Variants in F13B observed in about 807,000 individuals in gnomAD.
F13B encodes the protein coagulation factor XIII B chain.
F13B carries 58 observed loss-of-function variants against 79.8 expected under a neutral mutation model. The observed-to-expected ratio is 0.73, with a 90% confidence interval of 0.59 to 0.90. The LOEUF (loss-of-function observed/expected upper bound fraction) is 0.90. F13B is among the 40% of genes least tolerant of loss of function. F13B has a pLI of 0.00. For synonymous variants in F13B, 283 were observed against 260.3 expected, an observed-to-expected ratio of 1.09 and a Z score of -0.84; for missense variants, 773 against 777.0, an observed-to-expected ratio of 0.99 and a Z score of 0.06.
intron 10 of F13B, among the ~76,000 whole-genome samples, chr1:197,046,365 C>T (rs534042229): frequency 6.6e-6 from 1 of 152,040 alleles, no homozygotes. Context: ...TCCTATACAT[C>T]AATAATAGAC....
intron 11 of F13B, chr1:197,040,218 A>G (rs1476117178): frequency 3.2e-6 from 1 of 316,668 alleles, no homozygotes; most frequent in Non-Finnish European, 5.9e-6. Context: ...TTATCACAGA[A>G]CATATAGGTT....
chr1:197,040,819 T>G, intron 10 of F13B, 84 bp from the exon 11 acceptor site: 5 of 1,118,314 alleles, frequency 4.5e-6, no homozygotes, highest in Non-Finnish European at 6.5e-6. Flanking sequence ...ATCGTTGTGT[T>G]GCCTACTCAT....
intron 5 of F13B, among the ~76,000 whole-genome samples, chr1:197,057,986 T>C (rs1655710875): frequency 6.6e-6 from 1 of 152,162 alleles, no homozygotes. Flanking sequence ...CCAGCTAACA[T>C]CTTGATTGCA....
Position 197,060,595 on chromosome 1 carries a change from A to G in F13B, c.629-53T>C, listed in dbSNP as rs1571568270. On this transcript the variant is annotated intron_variant, in intron 4 of 11. Transcript: ENST00000367412. Reference sequence around the variant, plus strand: ...CAAACAAATGTTTATTTTTTCTGCTACAACAAAATGCACTATTTACATGAC... The same window carrying G: ...CAAACAAATGTTTATTTTTTCTGCTGCAACAAAATGCACTATTTACATGAC... 6 of 1,295,068 alleles carry G rather than the reference A, an allele frequency of 4.6e-6. No individual in the cohort carries two copies. The East Asian group carries it at 7.1e-5, about 15-fold the overall frequency. 80.2% of individuals were successfully genotyped at this position (1,295,068 alleles called of 1,614,324 possible).
chr1:197,042,922 T>A (rs1426177832), intron 10 of F13B, among the ~76,000 whole-genome samples: 1 of 151,282 alleles, frequency 6.6e-6, no homozygotes, highest in Non-Finnish European at 1.5e-5. Context: ...AGCTTAGGCA[T>A]ACAGCCAGCA....
chr1:197,050,393 G>C (rs1655400622), intron 10 of F13B, among the ~76,000 whole-genome samples: 1 of 151,858 alleles, frequency 6.6e-6, no homozygotes, highest in Admixed American at 6.6e-5. Flanking sequence ...TTCTATTATA[G>C]TACCAATCAC....
chr1:197,062,690 T>C (rs1655905600), intron 2 of F13B, among the ~76,000 whole-genome samples, 167 bp downstream of exon 2: 2 of 152,314 alleles, frequency 1.3e-5, no homozygotes, highest in South Asian at 4.1e-4. Context: ...AAGCATTATT[T>C]ACTGGATTTC....
At chr1:197,044,478 C>A (rs925994296) in intron 10 of F13B, among the ~76,000 whole-genome samples, 6 of 152,058 alleles carry the variant, frequency 3.9e-5, no homozygotes, top group African/African-American at 7.2e-5. Context: ...TATATATGCA[C>A]CCAATTCAGG....
intron 10 of F13B, among the ~76,000 whole-genome samples, chr1:197,043,678 T>C (rs1329344441): frequency 6.6e-6 from 1 of 151,920 alleles, no homozygotes; most frequent in African/African-American, 2.4e-5. Flanking sequence ...AAAGAGAGGA[T>C]TGTTAAACTA....
Position 197,039,392 on chromosome 1 carries a change from G to A in F13B, c.1972C>T (p.Pro658Ser). ...PRQSTLSYQE[P>S]LRT is the part of the protein sequence containing the mutation. ...GCCATTCATTTCTATGTTCTTAAGG[G>A]TTCTTGATAAGACAGAGTGCTTGAG... Residue 658 changes from proline to serine, a missense_variant, in exon 12 of 12, where the codon CCC becomes TCC. Coordinates refer to ENST00000367412, the MANE Select transcript of F13B (RefSeq NM_001994.3). 6.2e-7 allele frequency: 1 copy of A among 1,610,668 alleles called. No individual in the cohort carries two copies. The highest frequency in any genetic ancestry group is 1.3e-5 in the African/African-American group (1 of 74,910).
chr1:197,050,506 A>G (rs1655404213), intron 10 of F13B, among the ~76,000 whole-genome samples, 191 bp downstream of exon 10: 1 of 152,180 alleles, frequency 6.6e-6, no homozygotes, highest in African/African-American at 2.4e-5. Context: ...AATATGTATT[A>G]CAACAAACTG....
intron 5 of F13B, among the ~76,000 whole-genome samples, 166 bp from the exon 6 acceptor site, chr1:197,057,631 C>T (rs1655696840): frequency 6.6e-6 from 1 of 152,096 alleles, no homozygotes; most frequent in Non-Finnish European, 1.5e-5. Context: ...TGTGTGATAC[C>T]CCTTTCCATG....
intron 10 of F13B, among the ~76,000 whole-genome samples, chr1:197,047,445 C>T (rs1044525224): frequency 6.6e-6 from 1 of 151,948 alleles, no homozygotes; most frequent in Non-Finnish European, 1.5e-5. Flanking sequence ...AATGAGAGAC[C>T]ATCTCACTCC....
chr1:197,061,502 T>A lies in F13B; in HGVS notation c.451+282A>T, dbSNP rs17549589. ...TTAAATTCTTCTGTAATAAAGGAAATAGTGACATATAAAGAAAAAGCTTCT... is the reference window on the plus strand; with the variant it reads ...TTAAATTCTTCTGTAATAAAGGAAAAAGTGACATATAAAGAAAAAGCTTCT... On this transcript the variant is annotated intron_variant, in intron 3 of 11. Transcript: ENST00000367412. Among the ~76,000 whole-genome samples the A allele has an allele frequency of 7.4e-3, 1,124 of 152,196 alleles. 13 individuals are homozygous for A. The highest frequency in any genetic ancestry group is 0.026 in the African/African-American group (1,073 of 41,554).
Position 197,057,434 on chromosome 1 carries a change from C to T in F13B, c.837G>A (p.Leu279=), listed in dbSNP as rs553442412. The T allele has an allele frequency of 6.2e-7, 1 of 1,613,750 alleles. No homozygotes were observed. The highest frequency in any genetic ancestry group is 2.2e-5 in the East Asian group (1 of 44,852). Reference sequence around the variant, plus strand: ...GTGTTTGAATTTTGGAGTTTATGGGCAGAGGTGGAGGAGGACATCTGTTTC... The same window carrying T: ...GTGTTTGAATTTTGGAGTTTATGGGTAGAGGTGGAGGAGGACATCTGTTTC... ...GRRNRCPPPP[L]PINSKIQTHS... Residue 279 remains leucine (L), a synonymous_variant, in exon 6 of 12, where the codon CTG becomes CTA. Coordinates refer to ENST00000367412, the MANE Select transcript of F13B (RefSeq NM_001994.3).
At position 197,040,536 on chromosome 1, in the gene F13B, A is replaced by G; in HGVS notation, c.1938T>C (p.Cys646=). 6.2e-7 allele frequency: 1 copy of G among 1,611,496 alleles called. No homozygotes were observed. Among genetic ancestry groups the G allele is most frequent in the Non-Finnish European group, 8.5e-7 (1 of 1,178,626 alleles). Residue 646 remains cysteine (C), a synonymous_variant, in exon 11 of 12, where the codon TGT becomes TGC. Transcript: ENST00000367412. ...AAACTTCTTACCTTTGTCTTGGAAT[A>G]CATCTTGGATATTTTAACTGCCCTC... The part of the protein sequence containing the change: ...CDRGQLKYPR[C]IPRQSTLSYQ...
In F13B at chr1:197,061,873, C is replaced by A; in HGVS notation, c.362G>T (p.Gly121Val). 6.2e-7 allele frequency: 1 copy of A among 1,613,206 alleles called. No homozygotes were observed. Among genetic ancestry groups the A allele is most frequent in the Middle Eastern group, 1.7e-4 (1 of 6,058 alleles). Residue 121 changes from glycine (G) to valine (V), a missense_variant, in exon 3 of 12, where the codon GGG becomes GTG. Transcript: ENST00000367412. ...QENMRYGCAS[G>V]YKTTGGKDEE... ...ATCCTTCCCTCCAGTGGTTTTGTACCCTGAAGCGCAACCATAACGCATGTT... is the reference window on the plus strand; with the variant it reads ...ATCCTTCCCTCCAGTGGTTTTGTACACTGAAGCGCAACCATAACGCATGTT...
Position 197,067,202 on chromosome 1 carries a change from A to C in F13B, c.22T>G (p.Phe8Val). Residue 8 changes from phenylalanine (F) to valine (V), a missense_variant, in exon 1 of 12, where the codon TTT becomes GTT. By Grantham distance (50) the Phe-to-Val change is conservative (BLOSUM62 -1). Transcript: ENST00000367412. ...CCTGAGATTATCAATATGATGATAA[A>C]AGTCAGGTTTTTCAACCTCATCTTC... MRLKNLT[F>V]IIILIISGEL... 6.2e-7 allele frequency: 1 copy of C among 1,609,742 alleles called. No homozygotes were observed. The highest frequency in any genetic ancestry group is 8.5e-7 in the Non-Finnish European group (1 of 1,176,620).
chr1:197,048,264 G>T (rs1256441831), intron 10 of F13B, among the ~76,000 whole-genome samples: 1 of 151,682 alleles, frequency 6.6e-6, no homozygotes, highest in African/African-American at 2.4e-5. Context: ...GGTAGGGTTG[G>T]TAGGTATAAA....
Sources: gnomAD v4.1 joint callset for allele counts (sites outside exome capture counted in the v4.1 genomes callset) on GRCh38, gnomAD v4.1.1 for gene constraint, MANE v1.5 for transcripts, NCBI Gene and HGNC (gene_info 2026-07-23, HGNC 2026-07-21) for gene names.